The following TMEM117 variants were observed in gnomAD, a reference collection of about 807,000 sequenced individuals.
The protein encoded by TMEM117 is transmembrane protein 117.
In TMEM117, 27 loss-of-function variants were observed where a neutral mutation model predicts 52.4. The ratio of observed to expected loss-of-function variants is 0.51; its 90% confidence interval spans 0.38 to 0.71. TMEM117 has a LOEUF of 0.71. TMEM117 is among the 30% of genes least tolerant of loss of function. The pLI is 0.00. For missense variants in TMEM117, 556 were observed against 630.5 expected (o/e 0.88, Z 1.26); for synonymous variants, 215 against 206.3 (o/e 1.04, Z -0.36).
At chr12:44,297,964 T>C (rs980404802) in intron 5 of TMEM117, among the ~76,000 whole-genome samples, 1 of 152,194 alleles carries the variant, frequency 6.6e-6, no homozygotes, top group African/African-American at 2.4e-5. Flanking sequence ...ATCTGTATTT[T>C]ATATTTTAGA....
intron 3 of TMEM117, among the ~76,000 whole-genome samples, chr12:44,123,378 C>A (rs568029943): frequency 6.6e-6 from 1 of 152,024 alleles, no homozygotes; most frequent in Non-Finnish European, 1.5e-5. Flanking sequence ...ATTTCCTTTG[C>A]GGTGCAGAAG....
chr12:44,015,479 A>C (rs1464904516), intron 3 of TMEM117, among the ~76,000 whole-genome samples: 1 of 152,158 alleles, frequency 6.6e-6, no homozygotes, highest in African/African-American at 2.4e-5. Context: ...AAGATGGAAA[A>C]GCTTTTGCTC....
chr12:43,917,262 G>A (rs1376092796), intron 2 of TMEM117, among the ~76,000 whole-genome samples: 2 of 151,292 alleles, frequency 1.3e-5, no homozygotes, highest in East Asian at 1.9e-4. Context: ...AAGGCGTGCT[G>A]TGGTGGCACG....
intron 3 of TMEM117, among the ~76,000 whole-genome samples, chr12:43,949,222 A>G (rs1945181692): frequency 6.6e-6 from 1 of 152,174 alleles, no homozygotes; most frequent in Non-Finnish European, 1.5e-5. Flanking sequence ...ATTCTAGAGC[A>G]AGAATGAAAG....
chr12:44,034,608 C>G (rs1946682959), intron 3 of TMEM117, among the ~76,000 whole-genome samples: 1 of 152,154 alleles, frequency 6.6e-6, no homozygotes, highest in Non-Finnish European at 1.5e-5. Context: ...AGTGGGCTCA[C>G]AAGCTGTCCA....
chr12:43,945,124 A>AATAAATAAATAAATAG, intron 3 of TMEM117, among the ~76,000 whole-genome samples: 1 of 151,698 alleles, frequency 6.6e-6, no homozygotes, highest in South Asian at 2.1e-4. Flanking sequence ...TAAATAAATA[A>AATAAATAAATAAATAG]ATAAATAAAT....
intron 3 of TMEM117, among the ~76,000 whole-genome samples, chr12:44,083,403 T>TG (rs1391787333): frequency 1.4e-5 from 2 of 145,788 alleles, no homozygotes; most frequent in African/African-American, 2.5e-5. Flanking sequence ...TTTTTTTTTT[T>TG]TTTTTTTTTT....
At chr12:43,924,193 A>G (rs1367864955) in intron 2 of TMEM117, among the ~76,000 whole-genome samples, 2 of 152,154 alleles carry the variant, frequency 1.3e-5, no homozygotes. Flanking sequence ...CTCCTTGTCT[A>G]TTCTTTCTAT....
At chr12:44,065,326 T>C (rs1947205718) in intron 3 of TMEM117, among the ~76,000 whole-genome samples, 1 of 150,760 alleles carries the variant, frequency 6.6e-6, no homozygotes, top group South Asian at 2.1e-4. Flanking sequence ...AGGCGGAGGT[T>C]GCAGTGAGCC....
chr12:44,117,343 TG>T (rs962151698), intron 3 of TMEM117, among the ~76,000 whole-genome samples: 1 of 145,670 alleles, frequency 6.9e-6, no homozygotes, highest in Non-Finnish European at 1.5e-5. Flanking sequence ...CATAGCATAC[TG>T]TTTTTTTTTC....
rs187661641 is a variant in TMEM117, at chr12:44,359,525, C to T, written c.769-17070C>T. On this transcript the variant is annotated intron_variant, in intron 6 of 7. Transcript: ENST00000266534. ...TTGCATACTTATAATTCTGAGTAGC[C>T]GTATAATTTTCCATGGAATTATAAA... Among the ~76,000 whole-genome samples the T allele has an allele frequency of 2.4e-3, 363 of 151,840 alleles. 4 individuals carry two copies. The South Asian group carries it at 0.036, about 15-fold the overall frequency.
At chr12:43,994,481 G>A (rs1290130368) in intron 3 of TMEM117, among the ~76,000 whole-genome samples, 5 of 152,022 alleles carry the variant, frequency 3.3e-5, no homozygotes, top group Admixed American at 3.3e-4. Flanking sequence ...AATAACTTTT[G>A]TGCAATCTTT....
chr12:43,934,945 T>G (rs551530552), intron 2 of TMEM117, among the ~76,000 whole-genome samples: 70 of 152,330 alleles, frequency 4.6e-4, no homozygotes, highest in African/African-American at 1.6e-3. Flanking sequence ...ATAACTTTGT[T>G]GATGTCCCAT....
intron 7 of TMEM117, among the ~76,000 whole-genome samples, chr12:44,382,686 T>C (rs1022171154): frequency 1.3e-5 from 2 of 152,212 alleles, no homozygotes; most frequent in Non-Finnish European, 2.9e-5. Context: ...GATTGCTTCC[T>C]AAGAAATAGT....
chr12:43,988,860 A>G (rs1293509174), intron 3 of TMEM117, among the ~76,000 whole-genome samples: 1 of 152,168 alleles, frequency 6.6e-6, no homozygotes, highest in African/African-American at 2.4e-5. Flanking sequence ...TGCTAAACAT[A>G]ATACGTAAAT....
At chr12:43,860,971 C>G (rs998476150) in intron 2 of TMEM117, among the ~76,000 whole-genome samples, 2 of 152,114 alleles carry the variant, frequency 1.3e-5, no homozygotes, top group African/African-American at 4.8e-5. Flanking sequence ...TCTCAGCTCC[C>G]CATTATGGCT....
At position 44,182,727 on chromosome 12, in the gene TMEM117, A is replaced by G. The variant is rs115360940; in HGVS notation, c.511-28563A>G. Among the ~76,000 whole-genome samples the G allele has an allele frequency of 8.4e-3, 1,277 of 152,258 alleles. 22 individuals are homozygous for G. Among genetic ancestry groups the G allele is most frequent in the African/African-American group, 0.029 (1,190 of 41,528 alleles). ...AATTCAGACATATATCCCCTGCCAT[A>G]TCTAGAGTTAACCTGAATTTCAGCA... On this transcript the variant is annotated intron_variant, in intron 4 of 7. Coordinates refer to ENST00000266534, the MANE Select transcript of TMEM117 (RefSeq NM_032256.3).
At chr12:44,324,395 A>G (rs747749463) in intron 6 of TMEM117, among the ~76,000 whole-genome samples, 1 of 152,098 alleles carries the variant, frequency 6.6e-6, no homozygotes, top group East Asian at 1.9e-4. Flanking sequence ...TTAATCCTTT[A>G]TACTGTAAAC....
intron 2 of TMEM117, among the ~76,000 whole-genome samples, chr12:43,894,042 A>C (rs530818011): frequency 6.6e-6 from 1 of 152,186 alleles, no homozygotes; most frequent in Non-Finnish European, 1.5e-5. Context: ...ATTCCTCTTA[A>C]AGGCCAGGTC....
Sources: allele counts gnomAD v4.1 joint callset (sites outside exome capture counted in the v4.1 genomes callset), GRCh38; gene constraint gnomAD v4.1.1; transcripts MANE v1.5; gene names NCBI Gene and HGNC (gene_info 2026-07-23, HGNC 2026-07-21).